ATP5IF1: variants seen among roughly 807,000 people sequenced by gnomAD.
ATP5IF1 encodes ATP synthase inhibitory factor subunit 1.
A neutral mutation model predicts 8.5 loss-of-function variants in ATP5IF1; 12 were observed. The ratio of observed to expected loss-of-function variants is 1.41; its 90% CI spans 0.90 to 2.28. The LOEUF (loss-of-function observed/expected upper bound fraction) is 2.28. ATP5IF1 is among the 30% of genes most tolerant of loss of function. The probability of loss-of-function intolerance (pLI) is 0.00; values close to 1 mark genes in which losing one functional copy is unlikely to be tolerated. For synonymous variants in ATP5IF1, 51 were observed against 53.4 expected (o/e 0.96, Z 0.19); for missense variants, 154 against 140.2 (o/e 1.10, Z -0.50).
intron 2 of ATP5IF1, 157 bp from the exon 3 acceptor site, chr1:28,237,680 G>C (rs1039011263): frequency 6.3e-7 from 1 of 1,580,942 alleles, no homozygotes; most frequent in African/African-American, 1.4e-5. Flanking sequence ...TTTAAGATGG[G>C]GTATTCTTTC....
At chr1:28,236,797 A>G in intron 2 of ATP5IF1, 1 of 1,222,890 alleles carries the variant, frequency 8.2e-7, no homozygotes, top group Non-Finnish European at 1.0e-6. Context: ...CACAGTGTCT[A>G]GATCCGACCG....
chr1:28,236,343 G>T lies in ATP5IF1; in HGVS notation c.88-18G>T. On this transcript the variant is annotated intron_variant, in intron 1 of 2. Transcript: ENST00000335514. ...TCTTTGCTTCCGTACCTTTACCAGTGTCCCTGTCTCTCTGCAGTCCGAGAA... is the reference window on the plus strand; with the variant it reads ...TCTTTGCTTCCGTACCTTTACCAGTTTCCCTGTCTCTCTGCAGTCCGAGAA... The T allele has an allele frequency of 3.1e-6, 5 of 1,614,238 alleles. No homozygotes were observed. The East Asian group carries it at 1.1e-4, about 36-fold the overall frequency.
Position 28,236,424 on chromosome 1 carries a change from G to C in ATP5IF1, c.151G>C (p.Glu51Gln), listed in dbSNP as rs750605070. The change falls in exon 2 of 3, where the codon GAG (glutamate) becomes CAG (glutamine). Residue 51 changes from glutamate to glutamine, a missense_variant. Glu to Gln is a conservative substitution (Grantham distance 29). Coordinates refer to ENST00000335514, the MANE Select transcript of ATP5IF1 (RefSeq NM_016311.5). ...AGCCGGTGGGGCCTTCGGAAAGAGA[G>C]AGCAGGCTGAAGAGGAACGATATTT... ...REAGGAFGKR[E>Q]QAEEERYFRA... is the part of the protein sequence containing the mutation. 6.2e-7 allele frequency: 1 copy of C among 1,614,214 alleles called. No individual in the cohort carries two copies. Among genetic ancestry groups the C allele is most frequent in the South Asian group, 1.1e-5 (1 of 91,084 alleles).
chr1:28,236,439 G>A lies in ATP5IF1; in HGVS notation c.166G>A (p.Glu56Lys). 6.2e-7 allele frequency: 1 copy of A among 1,614,230 alleles called. No homozygotes were observed. Among genetic ancestry groups the A allele is most frequent in the Non-Finnish European group, 8.5e-7 (1 of 1,180,046 alleles). The change falls in exon 2 of 3, where the codon GAA becomes AAA. Residue 56 changes from glutamate to lysine, a missense_variant. Physicochemically the swap from Glu to Lys is moderately conservative, Grantham distance 56. Coordinates refer to ENST00000335514, the MANE Select transcript of ATP5IF1 (RefSeq NM_016311.5). ...CGGAAAGAGAGAGCAGGCTGAAGAG[G>A]AACGATATTTCCGGTGAGGCTCACC... ...AFGKREQAEE[E>K]RYFRAQSREQ...
intron 2 of ATP5IF1, 147 bp from the exon 3 acceptor site, chr1:28,237,690 C>A: frequency 1.3e-6 from 2 of 1,593,482 alleles, no homozygotes; most frequent in South Asian, 2.3e-5. Context: ...GGTATTCTTT[C>A]ACTAGTTGAG....
rs769779141 is a variant in ATP5IF1, at chr1:28,236,382, G to T, written c.109G>T (p.Ala37Ser). ...GCAGTCCGAGAATGTCGACCGGGGCGCGGGCTCCATCCGGGAAGCCGGTGG... is the reference window on the plus strand; with the variant it reads ...GCAGTCCGAGAATGTCGACCGGGGCTCGGGCTCCATCCGGGAAGCCGGTGG... ...SDQSENVDRG[A>S]GSIREAGGAF... is the part of the protein sequence containing the mutation. Residue 37 changes from alanine to serine, a missense_variant, in exon 2 of 3, where the codon GCG becomes TCG. Coordinates refer to ENST00000335514, the MANE Select transcript of ATP5IF1 (RefSeq NM_016311.5). 8.7e-6 allele frequency: 14 copies of T among 1,614,106 alleles called. No homozygotes were observed. The South Asian group carries it at 1.5e-4, about 18-fold the overall frequency.
At chr1:28,237,415 C>A (rs1006301614) in intron 2 of ATP5IF1, 21 of 1,109,296 alleles carry the variant, frequency 1.9e-5, no homozygotes, top group Non-Finnish European at 2.3e-5. Context: ...TTACAGTGGG[C>A]CATTCATTTC....
rs1647036169 is a variant in ATP5IF1, at chr1:28,236,394, C to A, written c.121C>A (p.Arg41=). The A allele has an allele frequency of 6.2e-7, 1 of 1,614,210 alleles. No homozygotes were observed. The highest frequency in any genetic ancestry group is 8.5e-7 in the Non-Finnish European group (1 of 1,180,042). Reference sequence around the variant, plus strand: ...TGTCGACCGGGGCGCGGGCTCCATCCGGGAAGCCGGTGGGGCCTTCGGAAA... The same window carrying A: ...TGTCGACCGGGGCGCGGGCTCCATCAGGGAAGCCGGTGGGGCCTTCGGAAA... ...ENVDRGAGSI[R]EAGGAFGKRE... Residue 41 remains arginine (R), a synonymous_variant, in exon 2 of 3, where the codon CGG becomes AGG. Transcript: ENST00000335514.
chr1:28,237,659 C>A, intron 2 of ATP5IF1, 178 bp from the exon 3 acceptor site: 1 of 1,543,864 alleles, frequency 6.5e-7, no homozygotes, highest in Non-Finnish European at 8.7e-7. Context: ...CTTAAGATGG[C>A]TACACCTCAA....
At position 28,236,458 on chromosome 1, in the gene ATP5IF1, G is replaced by A. The variant is rs770588957; in HGVS notation, c.179+6G>A. 24 of 1,614,054 alleles carry A rather than the reference G, an allele frequency of 1.5e-5. No individual in the cohort carries two copies. The highest frequency in any genetic ancestry group is 1.7e-5 in the Non-Finnish European group (20 of 1,180,022). On this transcript the variant is annotated splice_donor_region_variant and intron_variant, in intron 2 of 2. Transcript: ENST00000335514. ...GAAGAGGAACGATATTTCCGGTGAG[G>A]CTCACCGGGTCCCAAGTCCAGCCCT...
At chr1:28,236,591 G>C in intron 2 of ATP5IF1, 139 bp downstream of exon 2, 1 of 1,541,324 alleles carries the variant, frequency 6.5e-7, no homozygotes. Flanking sequence ...CCCCAATCCA[G>C]TATACCCTAA....
At chr1:28,236,603 C>T in intron 2 of ATP5IF1, 151 bp downstream of exon 2, 1 of 1,534,076 alleles carries the variant, frequency 6.5e-7, no homozygotes, top group Non-Finnish European at 8.7e-7. Flanking sequence ...ATACCCTAAC[C>T]CTTGATGTCC....
In ATP5IF1 at chr1:28,236,204, G is replaced by A; in HGVS notation, c.21G>A (p.Ala7=). 1 of 1,613,620 alleles carries A rather than the reference G, an allele frequency of 6.2e-7. No individual in the cohort carries two copies. Among genetic ancestry groups the A allele is most frequent in the Non-Finnish European group, 8.5e-7 (1 of 1,179,964 alleles). The change falls in exon 1 of 3, where the codon GCG becomes GCA. Residue 7 remains alanine (A), a synonymous_variant. Transcript: ENST00000335514. The part of the protein sequence containing the change: MAVTAL[A]ARTWLGVWGV... ...CAGCAATGGCAGTGACGGCGTTGGC[G>A]GCGCGGACGTGGCTTGGCGTGTGGG...
chr1:28,236,970 G>C (rs1647042993), intron 2 of ATP5IF1: 16 of 1,049,446 alleles, frequency 1.5e-5, no homozygotes, highest in Non-Finnish European at 1.7e-5. Context: ...AGGATGATGG[G>C]AGCTGGTCAT....
Position 28,236,126 on chromosome 1 carries a change from C to A in ATP5IF1, c.-58C>A. On this transcript the variant is annotated 5_prime_UTR_variant, in exon 1 of 3. Coordinates refer to ENST00000335514, the MANE Select transcript of ATP5IF1 (RefSeq NM_016311.5). Reference sequence around the variant, plus strand: ...GGTGCTTGGCCGTCCCTGCCATTAGCGCGTAACGAGAGACTGCTTGCTGCG... The same window carrying A: ...GGTGCTTGGCCGTCCCTGCCATTAGAGCGTAACGAGAGACTGCTTGCTGCG... 1.9e-6 allele frequency: 3 copies of A among 1,592,754 alleles called. No homozygotes were observed. The highest frequency in any genetic ancestry group is 2.6e-6 in the Non-Finnish European group (3 of 1,171,622).
In ATP5IF1 at chr1:28,236,197, C is replaced by T; in HGVS notation, c.14C>T (p.Ala5Val). 6.2e-7 allele frequency: 1 copy of T among 1,613,434 alleles called. No homozygotes were observed. The highest frequency in any genetic ancestry group is 8.5e-7 in the Non-Finnish European group (1 of 1,179,942). ...GCTCCAGCAGCAATGGCAGTGACGG[C>T]GTTGGCGGCGCGGACGTGGCTTGGC... MAVT[A>V]LAARTWLGVW... The change falls in exon 1 of 3, where the codon GCG becomes GTG. Residue 5 changes from alanine (A) to valine (V), a missense_variant. Ala to Val is a moderately conservative substitution (Grantham distance 64, BLOSUM62 0). Transcript: ENST00000335514.
rs182237786 is a variant in ATP5IF1 at position 28,236,664 on chromosome 1, G to A, written c.179+212G>A. 2.2e-5 allele frequency: 32 copies of A among 1,471,262 alleles called. No individual in the cohort carries two copies. The South Asian group carries it at 3.8e-4, about 18-fold the overall frequency. 91.1% of individuals were successfully genotyped at this position (1,471,262 alleles called of 1,614,324 possible). On this transcript the variant is annotated intron_variant, in intron 2 of 2. Transcript: ENST00000335514. Reference sequence around the variant, plus strand: ...CCCAGTTACCTGCACAACAGTTTCAGGCCCCCAAACCGTTTCCACCGGCGG... The same window carrying A: ...CCCAGTTACCTGCACAACAGTTTCAAGCCCCCAAACCGTTTCCACCGGCGG...
At position 28,238,100 on chromosome 1, in the gene ATP5IF1, A is replaced by G. The variant is rs190181751; in HGVS notation, c.*122A>G. 1 of 1,052,356 alleles carries G rather than the reference A, an allele frequency of 9.5e-7. No homozygotes were observed. Among genetic ancestry groups the G allele is most frequent in the Admixed American group, 2.6e-5 (1 of 38,398 alleles). 65.2% of individuals were successfully genotyped at this position (1,052,356 alleles called of 1,614,324 possible). On this transcript the variant is annotated 3_prime_UTR_variant, in exon 3 of 3. Transcript: ENST00000335514. ...GATTATAATAAATTGTCATCAGTGA[A>G]CTGTGTTTGATGCCTTCTTCTATCT...
At chr1:28,237,387 A>G (rs1557719733) in intron 2 of ATP5IF1, 3 of 1,067,856 alleles carry the variant, frequency 2.8e-6, no homozygotes. Context: ...TGCGCATGCA[A>G]GAGACCCTTT....
Sources: allele counts gnomAD v4.1 joint callset, GRCh38; gene constraint gnomAD v4.1.1; transcripts MANE v1.5; gene names NCBI Gene and HGNC (gene_info 2026-07-23, HGNC 2026-07-21).